The following RBM26 variants were observed in gnomAD, a reference collection of about 807,000 sequenced individuals.
RBM26 encodes RNA-binding protein 26.
Under a neutral mutation model 123.6 loss-of-function variants are expected in RBM26, and 30 were observed. The ratio of observed to expected loss-of-function variants is 0.24; its 90% CI spans 0.18 to 0.33. RBM26 has a LOEUF of 0.33. Ranked by LOEUF, RBM26 falls within the 10% of genes least tolerant of loss-of-function variation. RBM26 has a pLI of 1.00. For missense variants in RBM26, 947 were observed against 1,203.6 expected (o/e 0.79, Z 3.15); for synonymous variants, 400 against 404.4 (o/e 0.99, Z 0.13).
chr13:79,399,573 G>A (rs2078889739), intron 1 of RBM26, among the ~76,000 whole-genome samples: 3 of 152,098 alleles, frequency 2.0e-5, no homozygotes, highest in Admixed American at 1.3e-4. Context: ...CTTTCTTAAA[G>A]GCAAGCTAAA....
rs575192849 is a variant in RBM26, at chr13:79,390,486, G to A, written c.72-11579C>T. Among the ~76,000 whole-genome samples, 4 of 152,144 alleles carry A rather than the reference G, an allele frequency of 2.6e-5. No individual in the cohort carries two copies. In the East Asian group the frequency reaches 7.7e-4, roughly 29 times the overall value. ...AAATGAGTAAATTTTCCAGGGCAAGGGTAATGTTATCTTAACAGGTGACTG... is the reference window on the plus strand; with the variant it reads ...AAATGAGTAAATTTTCCAGGGCAAGAGTAATGTTATCTTAACAGGTGACTG... On this transcript the variant is annotated intron_variant, in intron 1 of 21. Transcript: ENST00000438737.
Position 79,380,509 on chromosome 13 carries a change from C to A in RBM26, c.72-1602G>T, listed in dbSNP as rs534355671. Among the ~76,000 whole-genome samples the A allele has an allele frequency of 1.1e-4, 16 of 142,602 alleles. No individual in the cohort carries two copies. In the South Asian group the frequency reaches 2.5e-3, roughly 22 times the overall value. 93.6% of individuals were successfully genotyped at this position (142,602 alleles called of 152,430 possible). ...AGGGAAAGTTTTTAAAAAAAAAAAACCACATAATAATTGTATGTATTCATA... is the reference window on the plus strand; with the variant it reads ...AGGGAAAGTTTTTAAAAAAAAAAAAACACATAATAATTGTATGTATTCATA... On this transcript the variant is annotated intron_variant, in intron 1 of 21. Coordinates refer to ENST00000438737, the MANE Select transcript of RBM26 (RefSeq NM_001366735.2).
At chr13:79,363,079 C>G (rs1205504005) in intron 9 of RBM26, among the ~76,000 whole-genome samples, 1 of 152,088 alleles carries the variant, frequency 6.6e-6, no homozygotes, top group Non-Finnish European at 1.5e-5. Context: ...AGTTTTCCAC[C>G]TCCTTAGAAC....
At chr13:79,356,568 A>C (rs1195724898) in intron 11 of RBM26, among the ~76,000 whole-genome samples, 2 of 152,138 alleles carry the variant, frequency 1.3e-5, no homozygotes, top group African/African-American at 4.8e-5. Context: ...TAGAACAGAG[A>C]TTGTACACAG....
At chr13:79,356,164 G>A (rs2073949779) in intron 11 of RBM26, among the ~76,000 whole-genome samples, 1 of 152,028 alleles carries the variant, frequency 6.6e-6, no homozygotes, top group Non-Finnish European at 1.5e-5. Flanking sequence ...GGAGTTCAAG[G>A]CCAGCCTGGA....
intron 9 of RBM26, among the ~76,000 whole-genome samples, chr13:79,363,879 G>T (rs1007254988): frequency 6.6e-6 from 1 of 152,154 alleles, no homozygotes; most frequent in Non-Finnish European, 1.5e-5. Flanking sequence ...GGAATCCCCA[G>T]TAAAATGTTA....
At chr13:79,386,591 T>TAAAAAAAAAAAAAAAAAAA (rs398023598) in intron 1 of RBM26, among the ~76,000 whole-genome samples, 1 of 92,832 alleles carries the variant, frequency 1.1e-5, no homozygotes, top group African/African-American at 4.1e-5. Flanking sequence ...ACTCTCTCTT[T>TAAAAAAAAAAAAAAAAAAA]AAAAAAAAAA....
intron 3 of RBM26, among the ~76,000 whole-genome samples, chr13:79,373,499 A>T (rs1444563453): frequency 1.5e-4 from 2 of 13,432 alleles, no homozygotes; most frequent in African/African-American, 6.9e-4. Flanking sequence ...TAATATGTAT[A>T]AATATACTTA....
intron 20 of RBM26, among the ~76,000 whole-genome samples, chr13:79,333,792 T>G (rs1944319177): frequency 6.6e-6 from 1 of 152,184 alleles, no homozygotes; most frequent in South Asian, 2.1e-4. Context: ...TAGTTTAAGG[T>G]AACTTTACTA....
chr13:79,384,084 A>G (rs1224269182), intron 1 of RBM26, among the ~76,000 whole-genome samples: 3 of 152,174 alleles, frequency 2.0e-5, no homozygotes, highest in Non-Finnish European at 4.4e-5. Context: ...GGGGTTTCCA[A>G]TTTTAATTCT....
rs756636371 is a variant in RBM26 at position 79,322,392 on chromosome 13, A to G, written c.2891T>C (p.Ile964Thr). The change falls in exon 21 of 22, where the codon ATT (isoleucine) becomes ACT (threonine). Residue 964 changes from isoleucine to threonine, a missense_variant. This residue lies in a region of RBM26 where 164 missense variants were observed against 215.3 expected (regional missense o/e 0.76). Transcript: ENST00000438737. Reference protein sequence around the residue: ...KLAWNKPVTNISAVETEEVEP... With the variant: ...KLAWNKPVTNTSAVETEEVEP... ...AACTTCTTCTGTTTCAACAGCTGAA[A>G]TATTAGTTACTGGTTTATTCCATGC... 1.3e-6 allele frequency: 2 copies of G among 1,580,094 alleles called. No individual in the cohort carries two copies. Among genetic ancestry groups the G allele is most frequent in the East Asian group, 2.3e-5 (1 of 42,636 alleles).
chr13:79,318,435 G>C (rs953025437), downstream of RBM26, among the ~76,000 whole-genome samples: 3 of 151,156 alleles, frequency 2.0e-5, no homozygotes, highest in Non-Finnish European at 3.0e-5. Context: ...CATGTAGAGT[G>C]CTAGTATTTA....
At chr13:79,392,194 AT>A (rs1316720831) in intron 1 of RBM26, among the ~76,000 whole-genome samples, 4 of 90,262 alleles carry the variant, frequency 4.4e-5, no homozygotes, top group African/African-American at 1.4e-4. Flanking sequence ...TTATTATATA[AT>A]TATATATTAT....
At chr13:79,359,771 A>T (rs2074446282) in intron 9 of RBM26, 85 bp from the exon 10 acceptor site, 2 of 479,980 alleles carry the variant, frequency 4.2e-6, no homozygotes, top group Non-Finnish European at 6.8e-6. Context: ...ATACAGGAAA[A>T]TTTCTGGCTT....
chr13:79,319,096 G>A lies in RBM26; in HGVS notation c.*1525C>T, dbSNP rs945463303. On this transcript the variant is annotated 3_prime_UTR_variant, in exon 22 of 22. Coordinates refer to ENST00000438737, the MANE Select transcript of RBM26 (RefSeq NM_001366735.2). The stretch of plus-strand genomic sequence containing the variant: ...AGGCAAAGCATTTCTATGAAATAGT[G>A]TTACCATCAAGAAAATACACACAAC... 3.0e-6 allele frequency: 3 copies of A among 984,130 alleles called. No individual in the cohort carries two copies. The highest frequency in any genetic ancestry group is 1.1e-4 in the East Asian group (1 of 8,796). The allele number at this position is 984,130 out of a possible 1,614,324, so 61.0% of individuals were successfully genotyped here. A position where few individuals can be genotyped will look rare whatever the true frequency, so the allele number is the denominator to read the frequency against.
intron 9 of RBM26, among the ~76,000 whole-genome samples, chr13:79,364,996 A>G (rs2075110074): frequency 6.6e-6 from 1 of 151,946 alleles, no homozygotes; most frequent in Admixed American, 6.6e-5. Context: ...AAAAAAAAAA[A>G]GGCTACCCAA....
At chr13:79,399,591 C>T (rs145371307) in intron 1 of RBM26, among the ~76,000 whole-genome samples, 1 of 151,988 alleles carries the variant, frequency 6.6e-6, no homozygotes, top group Non-Finnish European at 1.5e-5. Flanking sequence ...AAAAAGTATG[C>T]AATTTATTAT....
chr13:79,319,036 T>C lies in RBM26; in HGVS notation c.*1585A>G. 1.9e-5 allele frequency: 19 copies of C among 984,142 alleles called. 1 individual carries two copies. The highest frequency in any genetic ancestry group is 2.3e-5 in the Non-Finnish European group (19 of 828,932). 61.0% of individuals were successfully genotyped at this position (984,142 alleles called of 1,614,324 possible). A position where few individuals can be genotyped will look rare whatever the true frequency, so the allele number is the denominator to read the frequency against. On this transcript the variant is annotated 3_prime_UTR_variant, in exon 22 of 22. Transcript: ENST00000438737. ...TATTTTGACAACTGAAATCTGATTTTGAAATTTTAAATATAAACGTAGACA... is the reference window on the plus strand; with the variant it reads ...TATTTTGACAACTGAAATCTGATTTCGAAATTTTAAATATAAACGTAGACA...
chr13:79,388,549 C>A (rs1196184331), intron 1 of RBM26, among the ~76,000 whole-genome samples: 2 of 152,294 alleles, frequency 1.3e-5, no homozygotes, highest in East Asian at 1.9e-4. Flanking sequence ...GATTCAAGAG[C>A]CTTTTCCTAA....
Sources: allele counts gnomAD v4.1 joint callset (sites outside exome capture counted in the v4.1 genomes callset), GRCh38; gene constraint gnomAD v4.1.1; regional missense constraint gnomAD v4.1.1; transcripts MANE v1.5; gene names NCBI Gene and HGNC (gene_info 2026-07-23, HGNC 2026-07-21).